The following BMPR1B variants were observed in gnomAD, a reference collection of about 807,000 sequenced individuals.
BMPR1B encodes bone morphogenetic protein receptor type-1B.
In BMPR1B, 12 loss-of-function variants were observed where a neutral mutation model predicts 59.1. That is an observed-to-expected ratio of 0.20 (90% CI 0.13 to 0.33). The LOEUF is 0.33. Ranked by LOEUF, BMPR1B falls within the 10% of genes least tolerant of loss-of-function variation. The pLI, the probability that BMPR1B is intolerant of heterozygous loss-of-function variation, is 1.00. For synonymous variants in BMPR1B, 237 were observed against 207.3 expected (o/e 1.14, Z -1.23); for missense variants, 550 against 610.9 (o/e 0.90, Z 1.05).
chr4:94,943,243 G>T (rs866470189), intron 2 of BMPR1B, among the ~76,000 whole-genome samples: 3 of 151,774 alleles, frequency 2.0e-5, no homozygotes, highest in Non-Finnish European at 4.4e-5. Flanking sequence ...AGGTTCAAGC[G>T]CTTCTCCTGC....
At chr4:94,855,410 A>G (rs919696676) in intron 1 of BMPR1B, among the ~76,000 whole-genome samples, 2 of 152,220 alleles carry the variant, frequency 1.3e-5, no homozygotes, top group Admixed American at 6.5e-5. Context: ...CTCGGACTCT[A>G]CAGCATTTGC....
intron 3 of BMPR1B, among the ~76,000 whole-genome samples, chr4:95,043,760 C>T (rs946938793): frequency 2.0e-5 from 3 of 152,012 alleles, no homozygotes; most frequent in East Asian, 1.9e-4. Context: ...TTTTCTTTTT[C>T]GAAAGCTACC....
intron 1 of BMPR1B, among the ~76,000 whole-genome samples, chr4:94,825,315 C>G (rs1328167257): frequency 6.6e-6 from 1 of 151,960 alleles, no homozygotes; most frequent in Non-Finnish European, 1.5e-5. Flanking sequence ...CCAGCCTGGG[C>G]AAGAAAGTGA....
At chr4:95,087,844 CAG>C (rs1246422811) in intron 3 of BMPR1B, among the ~76,000 whole-genome samples, 1 of 152,134 alleles carries the variant, frequency 6.6e-6, no homozygotes, top group Non-Finnish European at 1.5e-5. Flanking sequence ...TGCTCAGTGA[CAG>C]ATAAAGCTTT....
chr4:94,774,330 A>G (rs570764282), intron 1 of BMPR1B, among the ~76,000 whole-genome samples: 168 of 152,236 alleles, frequency 1.1e-3, no homozygotes, highest in South Asian at 1.9e-3. Flanking sequence ...CTTGTTTTAC[A>G]TGAATTGTTT....
At chr4:94,856,157 A>G (rs1725747577) in intron 1 of BMPR1B, among the ~76,000 whole-genome samples, 1 of 152,212 alleles carries the variant, frequency 6.6e-6, no homozygotes, top group Non-Finnish European at 1.5e-5. Flanking sequence ...TATCCAAAGT[A>G]AGAAATGTAG....
At chr4:94,954,046 A>G (rs577711863) in intron 2 of BMPR1B, among the ~76,000 whole-genome samples, 10 of 151,288 alleles carry the variant, frequency 6.6e-5, no homozygotes, top group African/African-American at 2.2e-4. Flanking sequence ...CTTCCACTTG[A>G]TCGATTTGGC....
At chr4:94,833,073 C>G (rs1187609878) in intron 1 of BMPR1B, among the ~76,000 whole-genome samples, 1 of 151,754 alleles carries the variant, frequency 6.6e-6, no homozygotes, top group African/African-American at 2.4e-5. Context: ...TGCCTGTATT[C>G]TCATTTACTC....
intron 6 of BMPR1B, among the ~76,000 whole-genome samples, chr4:95,120,749 TTCTC>T (rs892340236): frequency 6.8e-5 from 10 of 147,776 alleles, no homozygotes; most frequent in Admixed American, 2.0e-4. Flanking sequence ...GTCTCTCTCT[TTCTC>T]TCTCTCTCTC....
intron 2 of BMPR1B, among the ~76,000 whole-genome samples, chr4:94,900,338 CA>C (rs34541975): frequency 0.25 from 27,828 of 110,018 alleles, 2,669 homozygotes; most frequent in Non-Finnish European, 0.29. Context: ...AAGTGGCCAG[CA>C]AAAAAAAAAA....
chr4:95,065,123 T>C (rs1342367456), intron 3 of BMPR1B, among the ~76,000 whole-genome samples: 1 of 152,216 alleles, frequency 6.6e-6, no homozygotes, highest in African/African-American at 2.4e-5. Context: ...ATATTACTAA[T>C]ACAAACTGTT....
chr4:94,934,896 A>G (rs377691715), intron 2 of BMPR1B, among the ~76,000 whole-genome samples: 1 of 152,134 alleles, frequency 6.6e-6, no homozygotes, highest in East Asian at 1.9e-4. Flanking sequence ...TAATCCAAAT[A>G]TGAATATGCT....
At chr4:95,100,431 T>C (rs1730735064) in intron 3 of BMPR1B, among the ~76,000 whole-genome samples, 1 of 152,170 alleles carries the variant, frequency 6.6e-6, no homozygotes, top group African/African-American at 2.4e-5. Flanking sequence ...AATGCCATAC[T>C]TATTTTTTAT....
intron 1 of BMPR1B, among the ~76,000 whole-genome samples, chr4:94,858,293 TA>T (rs1250034811): frequency 6.6e-6 from 1 of 152,212 alleles, no homozygotes; most frequent in Non-Finnish European, 1.5e-5. Flanking sequence ...AGAATTGTTT[TA>T]TGCTTGTATG....
At chr4:94,964,726 A>T (rs147660285) in intron 2 of BMPR1B, among the ~76,000 whole-genome samples, 1 of 152,180 alleles carries the variant, frequency 6.6e-6, no homozygotes, top group East Asian at 1.9e-4. Context: ...TGGCTTTTAC[A>T]ACAGGTTAGC....
At chr4:94,951,793 C>G (rs981236619) in intron 2 of BMPR1B, among the ~76,000 whole-genome samples, 1 of 152,074 alleles carries the variant, frequency 6.6e-6, no homozygotes, top group Non-Finnish European at 1.5e-5. Context: ...AGGGAGGAGT[C>G]CTTCTTTTTC....
intron 8 of BMPR1B, among the ~76,000 whole-genome samples, chr4:95,129,433 T>A (rs1238661391): frequency 1.3e-5 from 2 of 152,252 alleles, no homozygotes; most frequent in Non-Finnish European, 2.9e-5. Flanking sequence ...AGATTTCCTT[T>A]ATTTCTGTAT....
At chr4:94,796,658 A>G (rs1723206797) in intron 1 of BMPR1B, among the ~76,000 whole-genome samples, 1 of 151,778 alleles carries the variant, frequency 6.6e-6, no homozygotes, top group Non-Finnish European at 1.5e-5. Context: ...TTTCCCCATG[A>G]GGTGTTTTGT....
chr4:94,844,223 T>TTGTGTGTGTG (rs150471976), intron 1 of BMPR1B, among the ~76,000 whole-genome samples: 193 of 146,652 alleles, frequency 1.3e-3, no homozygotes, highest in Middle Eastern at 6.9e-3. Context: ...TGAATCATCT[T>TTGTGTGTGTG]TGTGTGTGTG....
Sources: gnomAD v4.1 joint callset for allele counts (sites outside exome capture counted in the v4.1 genomes callset) on GRCh38, gnomAD v4.1.1 for gene constraint, MANE v1.5 for transcripts, NCBI Gene and HGNC (gene_info 2026-07-23, HGNC 2026-07-21) for gene names.